KDM7A: variants seen among roughly 807,000 people sequenced by gnomAD.
The protein encoded by KDM7A is lysine-specific demethylase 7A.
KDM7A carries 28 observed loss-of-function variants against 114.8 expected under a neutral mutation model. The ratio of observed to expected loss-of-function variants is 0.24; its 90% CI spans 0.18 to 0.33. The LOEUF is 0.33. KDM7A is among the 10% of genes least tolerant of loss of function. The probability of loss-of-function intolerance (pLI) is 1.00; values close to 1 mark genes in which losing one functional copy is unlikely to be tolerated. For missense variants in KDM7A, 942 were observed against 1,142.5 expected (o/e 0.82, Z 2.53); for synonymous variants, 423 against 397.8 (o/e 1.06, Z -0.75).
In KDM7A at chr7:140,097,648, A is replaced by G. The variant is rs773946645; in HGVS notation, c.1919-6T>C. On this transcript the variant is annotated splice_polypyrimidine_tract_variant and splice_region_variant and intron_variant, in intron 14 of 19. Transcript: ENST00000397560. The stretch of plus-strand genomic sequence containing the variant: ...TTTCACACGTGTAAAAAACCCTGAA[A>G]AAGAATGAAAGGATGAGAAAAAGAG... 1.0e-5 allele frequency: 15 copies of G among 1,469,688 alleles called. No individual in the cohort carries two copies. In the East Asian group the frequency reaches 3.4e-4, roughly 33 times the overall value. The allele number at this position is 1,469,688 out of a possible 1,614,324, so 91.0% of individuals were successfully genotyped here.
intron 3 of KDM7A, among the ~76,000 whole-genome samples, chr7:140,130,649 C>T (rs1347473769): frequency 6.6e-6 from 1 of 151,678 alleles, no homozygotes; most frequent in Non-Finnish European, 1.5e-5. Context: ...AAATAAAAAA[C>T]AAAAACGAGT....
chr7:140,111,027 G>A (rs534303330), intron 11 of KDM7A, 68 bp downstream of exon 11: 9 of 842,954 alleles, frequency 1.1e-5, no homozygotes, highest in Non-Finnish European at 1.8e-5. Flanking sequence ...TGTAGAGAGT[G>A]GAATAGATCC....
chr7:140,095,877 AAAAT>A (rs1186237053), intron 17 of KDM7A, among the ~76,000 whole-genome samples: 2 of 152,060 alleles, frequency 1.3e-5, no homozygotes. Flanking sequence ...AGACAGTCTC[AAAAT>A]AAATAAATAA....
chr7:140,089,970 T>C lies in KDM7A; in HGVS notation c.*1124A>G, dbSNP rs769529205. ...TTACGGCTTATGATGCAGATTTGAA[T>C]ATCCTAAATAACATTTCCCAACAAA... On this transcript the variant is annotated 3_prime_UTR_variant, in exon 20 of 20. Transcript: ENST00000397560. 4 of 152,224 alleles carry C rather than the reference T, an allele frequency of 2.6e-5. No homozygotes were observed. Among genetic ancestry groups the C allele is most frequent in the Non-Finnish European group, 4.4e-5 (3 of 68,044 alleles). 9.4% of individuals were successfully genotyped at this position (152,224 alleles called of 1,614,324 possible).
At position 140,139,954 on chromosome 7, in the gene KDM7A, G is replaced by A. The variant is rs111359664; in HGVS notation, c.195-764C>T. Among the ~76,000 whole-genome samples the A allele has an allele frequency of 4.9e-4, 74 of 152,244 alleles. 1 individual carries two copies. The highest frequency in any genetic ancestry group is 1.8e-3 in the African/African-American group (73 of 41,560). On this transcript the variant is annotated intron_variant, in intron 1 of 19. Transcript: ENST00000397560. Reference sequence around the variant, plus strand: ...CAAACCTGAGTCATGAGGAAATAGAGTGCCTGAATAGTCCTGAACGATCAC... The same window carrying A: ...CAAACCTGAGTCATGAGGAAATAGAATGCCTGAATAGTCCTGAACGATCAC...
chr7:140,100,675 TATATAC>T (rs1357418774), intron 12 of KDM7A, among the ~76,000 whole-genome samples: 6,449 of 43,526 alleles, frequency 0.15, 190 homozygotes, highest in East Asian at 0.27. Flanking sequence ...TATATATATA[TATATAC>T]ATATATACAT....
At chr7:140,098,796 G>T in intron 14 of KDM7A, 83 bp downstream of exon 14, 1 of 1,224,818 alleles carries the variant, frequency 8.2e-7, no homozygotes, top group South Asian at 1.3e-5. Context: ...TTAAACTTAA[G>T]AACTTCAAAA....
At chr7:140,130,915 G>A (rs967884715) in intron 3 of KDM7A, among the ~76,000 whole-genome samples, 5 of 146,888 alleles carry the variant, frequency 3.4e-5, no homozygotes, top group Admixed American at 1.4e-4. Context: ...GTGCAGTGGC[G>A]TGATCTCAGC....
At chr7:140,135,491 G>A (rs745865092) in intron 2 of KDM7A, among the ~76,000 whole-genome samples, 8 of 152,234 alleles carry the variant, frequency 5.3e-5, no homozygotes, top group Admixed American at 6.5e-5. Flanking sequence ...GTGAGCCACT[G>A]CGCCCAGCCC....
Position 140,111,199 on chromosome 7 carries a change from A to G in KDM7A, c.1339-15T>C, listed in dbSNP as rs1818425321. On this transcript the variant is annotated splice_polypyrimidine_tract_variant and intron_variant, in intron 10 of 19. Transcript: ENST00000397560. The stretch of plus-strand genomic sequence containing the variant: ...TCAGATACAAGCTGTATTTGGATTA[A>G]CAAAAATAAGAAAACCAAAGTTATT... 1 of 1,547,774 alleles carries G rather than the reference A, an allele frequency of 6.5e-7. No homozygotes were observed. Among genetic ancestry groups the G allele is most frequent in the Non-Finnish European group, 8.8e-7 (1 of 1,133,806 alleles).
At position 140,090,929 on chromosome 7, in the gene KDM7A, G is replaced by C. The variant is rs1209794142; in HGVS notation, c.*165C>G. ...CCAGGTCCAAAATGGTTATTGCTGAGTGGGTGTGGCACAGTGAAAATGCAG... is the reference window on the plus strand; with the variant it reads ...CCAGGTCCAAAATGGTTATTGCTGACTGGGTGTGGCACAGTGAAAATGCAG... On this transcript the variant is annotated 3_prime_UTR_variant, in exon 20 of 20. Coordinates refer to ENST00000397560, the MANE Select transcript of KDM7A (RefSeq NM_030647.2). The C allele has an allele frequency of 1.7e-6, 1 of 592,764 alleles. No homozygotes were observed. Among genetic ancestry groups the C allele is most frequent in the African/African-American group, 1.9e-5 (1 of 53,758 alleles). 36.7% of individuals were successfully genotyped at this position (592,764 alleles called of 1,614,324 possible). A position where few individuals can be genotyped will look rare whatever the true frequency, so the allele number is the denominator to read the frequency against.
At chr7:140,172,514 G>T (rs901359181) in intron 1 of KDM7A, among the ~76,000 whole-genome samples, 1 of 152,000 alleles carries the variant, frequency 6.6e-6, no homozygotes, top group Non-Finnish European at 1.5e-5. Flanking sequence ...TTAGCTGGGC[G>T]CGGTGGCGGG....
intron 1 of KDM7A, among the ~76,000 whole-genome samples, chr7:140,161,101 TAAAAAG>T (rs1794514159): frequency 6.6e-6 from 1 of 152,194 alleles, no homozygotes; most frequent in African/African-American, 2.4e-5. Context: ...TTAAATTACG[TAAAAAG>T]ACTATAAAAT....
chr7:140,166,820 A>C (rs1252326049), intron 1 of KDM7A, among the ~76,000 whole-genome samples: 1 of 152,248 alleles, frequency 6.6e-6, no homozygotes, highest in Non-Finnish European at 1.5e-5. Flanking sequence ...TAGAGGCATA[A>C]GAATGGGCAA....
chr7:140,125,927 C>T (rs1585151936), intron 6 of KDM7A, among the ~76,000 whole-genome samples: 1 of 146,018 alleles, frequency 6.8e-6, no homozygotes, highest in Non-Finnish European at 1.5e-5. Context: ...TTTTTAGAGA[C>T]AGGATCTCGC....
intron 13 of KDM7A, 72 bp from the exon 14 acceptor site, chr7:140,099,105 C>A: frequency 8.8e-7 from 1 of 1,139,232 alleles, no homozygotes; most frequent in South Asian, 1.4e-5. Context: ...ATTCCCCTCT[C>A]CCTTAATTTA....
intron 1 of KDM7A, among the ~76,000 whole-genome samples, chr7:140,167,047 A>C (rs563126637): frequency 1.9e-4 from 29 of 152,318 alleles, no homozygotes; most frequent in Admixed American, 1.6e-3. Flanking sequence ...AATCTTAAAA[A>C]TGTGTAAAAT....
rs1248515032 is a variant in KDM7A, at chr7:140,176,279, G to A, written c.194+465C>T. Among the ~76,000 whole-genome samples, 3 of 150,120 alleles carry A rather than the reference G, an allele frequency of 2.0e-5. No homozygotes were observed. The highest frequency in any genetic ancestry group is 2.1e-4 in the South Asian group (1 of 4,824). Reference sequence around the variant, plus strand: ...GGGGCGACCCCATCGCCGCCCGGAAGGAAGGCAGGCGCGTCGGCCGGCCGG... The same window carrying A: ...GGGGCGACCCCATCGCCGCCCGGAAAGAAGGCAGGCGCGTCGGCCGGCCGG... On this transcript the variant is annotated intron_variant, in intron 1 of 19. Coordinates refer to ENST00000397560, the MANE Select transcript of KDM7A (RefSeq NM_030647.2). The surrounding 1 kb of genome is among the most constrained non-coding windows in gnomAD (Gnocchi z 4.4).
chr7:140,100,901 C>G (rs1385661090), intron 12 of KDM7A, among the ~76,000 whole-genome samples: 1 of 150,974 alleles, frequency 6.6e-6, no homozygotes, highest in East Asian at 1.9e-4. Flanking sequence ...GCTGGAACTA[C>G]AGGCACCCGC....
Sources: gnomAD v4.1 joint callset for allele counts (sites outside exome capture counted in the v4.1 genomes callset) on GRCh38, gnomAD v4.1.1 for gene constraint, Gnocchi (gnomAD v3.1) non-coding constraint, MANE v1.5 for transcripts, NCBI Gene and HGNC (gene_info 2026-07-23, HGNC 2026-07-21) for gene names.